The following ZNF385B variants were observed in gnomAD, a reference collection of about 807,000 sequenced individuals.
ZNF385B encodes zinc finger protein 533.
In ZNF385B, 23 loss-of-function variants were observed where a neutral mutation model predicts 39.2. The observed-to-expected ratio is 0.59, with a 90% CI of 0.42 to 0.83. The LOEUF (loss-of-function observed/expected upper bound fraction) is 0.83. Among genes scored for constraint, ZNF385B ranks in the 40% least tolerant of loss-of-function variants. ZNF385B has a pLI of 0.00. For missense variants in ZNF385B, 552 were observed against 598.9 expected, an observed-to-expected ratio of 0.92 and a Z score of 0.82; for synonymous variants, 205 against 222.6, an observed-to-expected ratio of 0.92 and a Z score of 0.70.
At chr2:179,456,637 T>C (rs1468399212) in intron 6 of ZNF385B, among the ~76,000 whole-genome samples, 1 of 152,210 alleles carries the variant, frequency 6.6e-6, no homozygotes, top group Non-Finnish European at 1.5e-5. Context: ...TGAACCATTG[T>C]TCTTAAAAGC....
chr2:179,494,782 CTTTCT>C (rs537888017), intron 5 of ZNF385B, among the ~76,000 whole-genome samples: 23 of 152,044 alleles, frequency 1.5e-4, no homozygotes, highest in African/African-American at 3.6e-4. Flanking sequence ...TGTATTTTTT[CTTTCT>C]TTTATTTGTA....
chr2:179,600,375 G>A (rs536502867), intron 3 of ZNF385B, among the ~76,000 whole-genome samples: 2 of 152,108 alleles, frequency 1.3e-5, no homozygotes, highest in East Asian at 1.9e-4. Flanking sequence ...GTTTAGCATC[G>A]TGACTAAAAA....
At chr2:179,612,644 C>T (rs1283074650) in intron 3 of ZNF385B, among the ~76,000 whole-genome samples, 2 of 152,168 alleles carry the variant, frequency 1.3e-5, no homozygotes, top group African/African-American at 2.4e-5. Context: ...ACACAAGCAC[C>T]ACCACTGGGA....
chr2:179,525,538 G>C (rs759069922), intron 4 of ZNF385B, among the ~76,000 whole-genome samples: 4 of 152,170 alleles, frequency 2.6e-5, no homozygotes, highest in African/African-American at 9.7e-5. Context: ...TAAGCAGACC[G>C]CAGCTACAAA....
intron 5 of ZNF385B, among the ~76,000 whole-genome samples, chr2:179,493,471 A>T (rs191343740): frequency 1.2e-4 from 11 of 91,618 alleles, no homozygotes; most frequent in Admixed American, 1.0e-3. Context: ...ACATATATGC[A>T]TGTGTACACA....
At chr2:179,554,864 C>T (rs556296561) in intron 3 of ZNF385B, among the ~76,000 whole-genome samples, 10 of 148,980 alleles carry the variant, frequency 6.7e-5, no homozygotes, top group South Asian at 2.1e-4. Context: ...TATTAAGTGT[C>T]GACAAGGATA....
intron 3 of ZNF385B, among the ~76,000 whole-genome samples, chr2:179,688,000 T>A (rs915946755): frequency 2.6e-5 from 4 of 152,168 alleles, no homozygotes; most frequent in Non-Finnish European, 5.9e-5. Context: ...CCCCATAGAT[T>A]TGGTTTGAAC....
intron 1 of ZNF385B, among the ~76,000 whole-genome samples, chr2:179,821,543 T>C (rs1031846133): frequency 6.6e-6 from 1 of 152,152 alleles, no homozygotes; most frequent in African/African-American, 2.4e-5. Flanking sequence ...TAATGACTTT[T>C]ACTTTTGGTA....
chr2:179,552,453 C>T (rs967850321), intron 3 of ZNF385B, among the ~76,000 whole-genome samples: 4 of 149,106 alleles, frequency 2.7e-5, no homozygotes, highest in African/African-American at 7.6e-5. Flanking sequence ...AAAAACTTAA[C>T]GTATTATAAA....
At chr2:179,762,989 G>A (rs62180382) in intron 3 of ZNF385B, among the ~76,000 whole-genome samples, 8,508 of 152,222 alleles carry the variant, frequency 0.056, 310 homozygotes, top group Middle Eastern at 0.1. Context: ...ACCACAACCT[G>A]TGCCTCCTGG....
rs574721739 is a variant in ZNF385B, at chr2:179,474,319, T to C, written c.715+8953A>G. 5.3e-5 allele frequency among the ~76,000 whole-genome samples: 8 copies of C among 152,308 alleles called. No individual in the cohort carries two copies. In the East Asian group the frequency reaches 1.5e-3, roughly 29 times the overall value. Reference sequence around the variant, plus strand: ...GGACAGCCCGAGTGAGACTCTGGCATTGAAAATATTTGGTTGGTGCAAAAG... The same window carrying C: ...GGACAGCCCGAGTGAGACTCTGGCACTGAAAATATTTGGTTGGTGCAAAAG... On this transcript the variant is annotated intron_variant, in intron 6 of 9. Transcript: ENST00000410066.
Position 179,446,398 on chromosome 2 carries a change from T to C in ZNF385B, c.961+127A>G, listed in dbSNP as rs2049476439. 5.2e-6 allele frequency: 7 copies of C among 1,341,522 alleles called. No homozygotes were observed. The South Asian group carries it at 1.2e-4, about 23-fold the overall frequency. 83.1% of individuals were successfully genotyped at this position (1,341,522 alleles called of 1,614,324 possible). A position where few individuals can be genotyped will look rare whatever the true frequency, so the allele number is the denominator to read the frequency against. On this transcript the variant is annotated intron_variant, in intron 7 of 9. Transcript: ENST00000410066. Reference sequence around the variant, plus strand: ...GATCATACTTTTCTAAAATCACTCCTTTGAATCAAAAAAGTAGAGAAGCAT... The same window carrying C: ...GATCATACTTTTCTAAAATCACTCCCTTGAATCAAAAAAGTAGAGAAGCAT...
chr2:179,561,646 G>T (rs1015478558), intron 3 of ZNF385B, among the ~76,000 whole-genome samples: 2 of 150,950 alleles, frequency 1.3e-5, no homozygotes, highest in Non-Finnish European at 3.0e-5. Context: ...GGGGAGTAAG[G>T]TGGGGTAAAT....
chr2:179,524,551 C>CAAAAAAAAAAAAAAAAAAAAAAAA (rs770219234), intron 4 of ZNF385B, among the ~76,000 whole-genome samples: 2 of 60,970 alleles, frequency 3.3e-5, no homozygotes, highest in African/African-American at 1.6e-4. Flanking sequence ...GACTCCGTCT[C>CAAAAAAAAAAAAAAAAAAAAAAAA]AAAAAAAAAA....
chr2:179,671,699 C>G (rs1369565972), intron 3 of ZNF385B, among the ~76,000 whole-genome samples: 2 of 152,322 alleles, frequency 1.3e-5, no homozygotes, highest in East Asian at 1.9e-4. Flanking sequence ...GTTCCCCCAG[C>G]CCCTCTGTCT....
intron 4 of ZNF385B, among the ~76,000 whole-genome samples, chr2:179,537,321 TAAAA>T (rs1222990610): frequency 8.1e-6 from 1 of 123,936 alleles, no homozygotes; most frequent in Non-Finnish European, 1.7e-5. Flanking sequence ...AAAAAATAAA[TAAAA>T]AAAAAATAAA....
Position 179,445,169 on chromosome 2 carries a change from G to A in ZNF385B, c.1141-192C>T, listed in dbSNP as rs1417156867. 5.9e-5 allele frequency among the ~76,000 whole-genome samples: 9 copies of A among 152,034 alleles called. No individual in the cohort carries two copies. The East Asian group carries it at 1.7e-3, about 29-fold the overall frequency. On this transcript the variant is annotated intron_variant, in intron 8 of 9. Transcript: ENST00000410066. ...TGTAATGCCCCTCTGTCCCCCTCCT[G>A]TTCTCTATAGCCCTTATCAGATTTT...
intron 5 of ZNF385B, among the ~76,000 whole-genome samples, chr2:179,497,540 CAA>C (rs555054066): frequency 2.2e-5 from 3 of 135,914 alleles, no homozygotes; most frequent in South Asian, 2.4e-4. Flanking sequence ...AAACTCAAAC[CAA>C]AAAAAAAATA....
chr2:179,588,930 G>C (rs1483701951), intron 3 of ZNF385B, among the ~76,000 whole-genome samples: 1 of 152,160 alleles, frequency 6.6e-6, no homozygotes, highest in Non-Finnish European at 1.5e-5. Context: ...ACTGTAGAGA[G>C]AGCTCTGCAA....
Sources: gnomAD v4.1 joint callset for allele counts (sites outside exome capture counted in the v4.1 genomes callset) on GRCh38, gnomAD v4.1.1 for gene constraint, MANE v1.5 for transcripts, NCBI Gene and HGNC (gene_info 2026-07-23, HGNC 2026-07-21) for gene names.